Variants in SURF6 observed in about 807,000 individuals in gnomAD.
SURF6 encodes surfeit locus protein 6.
A neutral mutation model predicts 37.5 loss-of-function variants in SURF6; 28 were observed. The ratio of observed to expected loss-of-function variants is 0.75; its 90% CI spans 0.55 to 1.02. SURF6 has a LOEUF of 1.02. Among genes scored for constraint, SURF6 ranks in the 50% least tolerant of loss-of-function variants. The pLI, the probability that SURF6 is intolerant of heterozygous loss-of-function variation, is 0.00. For missense variants in SURF6, 560 were observed against 490.5 expected (o/e 1.14, Z -1.34); for synonymous variants, 248 against 210.9 (o/e 1.18, Z -1.52).
At chr9:133,332,807 G>A in intron 3 of SURF6, 47 bp from the exon 4 acceptor site, 1 of 1,578,940 alleles carries the variant, frequency 6.3e-7, no homozygotes, top group South Asian at 1.1e-5. Flanking sequence ...CGATCCCAGG[G>A]TCCCCCAGCC....
Position 133,329,303 on chromosome 9 carries a change from G to C in SURF6, c.*2566C>G, listed in dbSNP as rs190425658. The C allele has an allele frequency of 8.6e-3, 1,455 of 168,712 alleles. 19 individuals carry two copies. Among genetic ancestry groups the C allele is most frequent in the African/African-American group, 0.032 (1,356 of 41,890 alleles). 10.5% of individuals were successfully genotyped at this position (168,712 alleles called of 1,614,324 possible). ...CTGAAGCACAGCATCACAGGGAGAC[G>C]GTTAGGCCTCCAGATAACTGCGGGC... On this transcript the variant is annotated 3_prime_UTR_variant, in exon 5 of 5. Transcript: ENST00000372022.
At chr9:133,332,397 C>CA (rs1835766476) in intron 4 of SURF6, 49 bp from the exon 5 acceptor site, 2 of 1,536,376 alleles carry the variant, frequency 1.3e-6, no homozygotes, top group African/African-American at 1.4e-5. Context: ...CACTAGGCCC[C>CA]AGCCTTGGCC....
rs2129911468 is a variant in SURF6 at position 133,331,765 on chromosome 9, A to G, written c.*104T>C. ...ACCACTGTGTCCCCCTCACATGGAG[A>G]GGCCGAGGTCTGTGGAGATCCTGGG... On this transcript the variant is annotated 3_prime_UTR_variant, in exon 5 of 5. Coordinates refer to ENST00000372022, the MANE Select transcript of SURF6 (RefSeq NM_006753.6). 1 of 1,399,732 alleles carries G rather than the reference A, an allele frequency of 7.1e-7. No individual in the cohort carries two copies. Among genetic ancestry groups the G allele is most frequent in the Non-Finnish European group, 9.3e-7 (1 of 1,078,754 alleles). The allele number at this position is 1,399,732 out of a possible 1,614,324, so 86.7% of individuals were successfully genotyped here.
At chr9:133,335,188 G>A (rs1835841548) in intron 1 of SURF6, among the ~76,000 whole-genome samples, 1 of 152,114 alleles carries the variant, frequency 6.6e-6, no homozygotes, top group Non-Finnish European at 1.5e-5. Context: ...TTGATCTTCT[G>A]ATCTTGTGAT....
rs1377088075 is a variant in SURF6 at position 133,331,521 on chromosome 9, A to G, written c.*348T>C. On this transcript the variant is annotated 3_prime_UTR_variant, in exon 5 of 5. Transcript: ENST00000372022. ...TCCCGTGGCTCCTGCGAACACAGGC[A>G]GTGGGGAACAGGCAGTGACTGCCCA... 3.8e-6 allele frequency: 1 copy of G among 263,208 alleles called. No homozygotes were observed. The highest frequency in any genetic ancestry group is 7.1e-6 in the Non-Finnish European group (1 of 140,676). The allele number at this position is 263,208 out of a possible 1,614,324, so 16.3% of individuals were successfully genotyped here.
At position 133,332,631 on chromosome 9, in the gene SURF6, T is replaced by C. The variant is rs2129920184; in HGVS notation, c.523A>G (p.Thr175Ala). The change falls in exon 4 of 5, where the codon ACG becomes GCG. Residue 175 changes from threonine to alanine, a missense_variant. Transcript: ENST00000372022. ...GCCTCCACCACCTCCTGGGCCTCCG[T>C]GGCCTCCTCAGCCTTCCTGGCCTTC... ...KEKARKAEEA[T>A]EAQEVVEATP... 6.2e-7 allele frequency: 1 copy of C among 1,611,330 alleles called. No individual in the cohort carries two copies. Among genetic ancestry groups the C allele is most frequent in the East Asian group, 2.2e-5 (1 of 44,882 alleles).
chr9:133,333,067 T>C (rs1479029971), intron 3 of SURF6: 3 of 414,458 alleles, frequency 7.2e-6, no homozygotes, highest in Admixed American at 8.0e-5. Flanking sequence ...TCAAGACCAC[T>C]GCCTAGAACT....
Position 133,331,858 on chromosome 9 carries a change from G to A in SURF6, c.*11C>T, listed in dbSNP as rs1835736242. Reference sequence around the variant, plus strand: ...CTAGGACGGAAGACGGCGGCCCCAGGTGGGAAAGACTCAGACCAGGCCTGC... The same window carrying A: ...CTAGGACGGAAGACGGCGGCCCCAGATGGGAAAGACTCAGACCAGGCCTGC... On this transcript the variant is annotated 3_prime_UTR_variant, in exon 5 of 5. Coordinates refer to ENST00000372022, the MANE Select transcript of SURF6 (RefSeq NM_006753.6). 1.3e-6 allele frequency: 2 copies of A among 1,497,584 alleles called. No homozygotes were observed. The highest frequency in any genetic ancestry group is 1.4e-5 in the African/African-American group (1 of 70,664). The allele number at this position is 1,497,584 out of a possible 1,614,324, so 92.8% of individuals were successfully genotyped here.
At chr9:133,335,120 C>T (rs1373792497) in intron 1 of SURF6, among the ~76,000 whole-genome samples, 1 of 152,066 alleles carries the variant, frequency 6.6e-6, no homozygotes, top group African/African-American at 2.4e-5. Flanking sequence ...CCACTGTGCC[C>T]GGCTAATTTT....
At position 133,332,631 on chromosome 9, in the gene SURF6, T is replaced by A; in HGVS notation, c.523A>T (p.Thr175Ser). The A allele has an allele frequency of 1.2e-6, 2 of 1,611,330 alleles. No homozygotes were observed. The highest frequency in any genetic ancestry group is 1.7e-6 in the Non-Finnish European group (2 of 1,179,990). ...GCCTCCACCACCTCCTGGGCCTCCG[T>A]GGCCTCCTCAGCCTTCCTGGCCTTC... Reference protein sequence around the residue: ...KEKARKAEEATEAQEVVEATP... With the variant: ...KEKARKAEEASEAQEVVEATP... The change falls in exon 4 of 5, where the codon ACG (threonine) becomes TCG (serine). Residue 175 changes from threonine (T) to serine (S), a missense_variant. Coordinates refer to ENST00000372022, the MANE Select transcript of SURF6 (RefSeq NM_006753.6).
chr9:133,334,403 C>T lies in SURF6; in HGVS notation c.293G>A (p.Gly98Glu). ...CTGAAGCCTCTCACCTGCAGGGTTCCCTGCTGAGCTGGAAGCCCAAGCTGC... is the reference window on the plus strand; with the variant it reads ...CTGAAGCCTCTCACCTGCAGGGTTCTCTGCTGAGCTGGAAGCCCAAGCTGC... ...EEAAWASSSA[G>E]NPADGLATEP... Residue 98 changes from glycine to glutamate, a missense_variant, in exon 2 of 5, where the codon GGG (glycine) becomes GAG (glutamate). Gly to Glu is a moderately conservative substitution (Grantham distance 98). Transcript: ENST00000372022. 2 of 1,613,030 alleles carry T rather than the reference C, an allele frequency of 1.2e-6. No individual in the cohort carries two copies. Among genetic ancestry groups the T allele is most frequent in the Non-Finnish European group, 1.7e-6 (2 of 1,179,870 alleles).
At chr9:133,335,361 G>A (rs1405640369) in intron 1 of SURF6, among the ~76,000 whole-genome samples, 1 of 151,824 alleles carries the variant, frequency 6.6e-6, no homozygotes, top group Non-Finnish European at 1.5e-5. Context: ...AAAGACAGAC[G>A]GAAGACATAC....
In SURF6 at chr9:133,332,591, G is replaced by T. The variant is rs2129919764; in HGVS notation, c.563C>A (p.Ala188Asp). The T allele has an allele frequency of 5.0e-6, 8 of 1,609,686 alleles. No individual in the cohort carries two copies. In the African/African-American group the frequency reaches 5.3e-5, roughly 11 times the overall value. Residue 188 changes from alanine to aspartate, a missense_variant, in exon 4 of 5, where the codon GCC becomes GAC. Transcript: ENST00000372022. ...GGGCGGCTCCCGCGGCTCCGTGCAG[G>T]CCCCCTCTGGGGTTGCCTCCACCAC... ...QEVVEATPEG[A>D]CTEPREPPGL... is the part of the protein sequence containing the mutation.
intron 4 of SURF6, 60 bp from the exon 5 acceptor site, chr9:133,332,408 A>G: frequency 6.5e-7 from 1 of 1,533,460 alleles, no homozygotes; most frequent in Non-Finnish European, 8.7e-7. Context: ...AGCCTTGGCC[A>G]GTACCCTAAG....
At position 133,332,236 on chromosome 9, in the gene SURF6, A is replaced by G. The variant is rs2129916609; in HGVS notation, c.719T>C (p.Leu240Pro). The G allele has an allele frequency of 3.2e-5, 52 of 1,605,580 alleles. No individual in the cohort carries two copies. The highest frequency in any genetic ancestry group is 6.8e-6 in the Non-Finnish European group (8 of 1,179,838). ...PLTGRNYRQL[L>P]ERLQARQSRL... ...GCTCTGCCGTGCCTGCAGGCGCTCC[A>G]GCAGCTGCCGGTAGTTCCTCCCGGT... is the stretch of plus-strand genomic sequence containing the variant. The change falls in exon 5 of 5, where the codon CTG becomes CCG. Residue 240 changes from leucine (L) to proline (P), a missense_variant. Leu to Pro is a moderately conservative substitution (Grantham distance 98). Coordinates refer to ENST00000372022, the MANE Select transcript of SURF6 (RefSeq NM_006753.6).
rs2129911814 is a variant in SURF6, at chr9:133,331,836, G to A, written c.*33C>T. ...TCAGAGGGTGTCCTGGAGTCTCCTA[G>A]GACGGAAGACGGCGGCCCCAGGTGG... is the stretch of plus-strand genomic sequence containing the variant. On this transcript the variant is annotated 3_prime_UTR_variant, in exon 5 of 5. Coordinates refer to ENST00000372022, the MANE Select transcript of SURF6 (RefSeq NM_006753.6). 4 of 1,496,452 alleles carry A rather than the reference G, an allele frequency of 2.7e-6. No individual in the cohort carries two copies. Among genetic ancestry groups the A allele is most frequent in the Non-Finnish European group, 3.5e-6 (4 of 1,133,504 alleles). 92.7% of individuals were successfully genotyped at this position (1,496,452 alleles called of 1,614,324 possible). A position where few individuals can be genotyped will look rare whatever the true frequency, so the allele number is the denominator to read the frequency against.
At position 133,331,649 on chromosome 9, in the gene SURF6, A is replaced by C; in HGVS notation, c.*220T>G. 3.6e-6 allele frequency: 2 copies of C among 550,460 alleles called. No individual in the cohort carries two copies. The highest frequency in any genetic ancestry group is 5.6e-6 in the Non-Finnish European group (2 of 359,786). 34.1% of individuals were successfully genotyped at this position (550,460 alleles called of 1,614,324 possible). A position where few individuals can be genotyped will look rare whatever the true frequency, so the allele number is the denominator to read the frequency against. ...CTCCCTCACCCTTTCCCTGGGTCTG[A>C]AGGTCCCGGATCCTGCGTTCAAGGA... On this transcript the variant is annotated 3_prime_UTR_variant, in exon 5 of 5. Coordinates refer to ENST00000372022, the MANE Select transcript of SURF6 (RefSeq NM_006753.6).
At chr9:133,333,869 C>A in intron 2 of SURF6, 63 bp from the exon 3 acceptor site, 2 of 1,381,356 alleles carry the variant, frequency 1.4e-6, no homozygotes, top group Non-Finnish European at 2.0e-6. Context: ...CTCCCTAGGG[C>A]CACGAATCCC....
chr9:133,329,893 G>C lies in SURF6; in HGVS notation c.*1976C>G, dbSNP rs1267504728. The C allele has an allele frequency of 1.3e-5, 2 of 152,204 alleles. No individual in the cohort carries two copies. The highest frequency in any genetic ancestry group is 2.9e-5 in the Non-Finnish European group (2 of 68,038). The allele number at this position is 152,204 out of a possible 1,614,324, so 9.4% of individuals were successfully genotyped here. On this transcript the variant is annotated 3_prime_UTR_variant, in exon 5 of 5. Coordinates refer to ENST00000372022, the MANE Select transcript of SURF6 (RefSeq NM_006753.6). ...TGGTATCAAAGCTAAGTTCACGAAT[G>C]AAGTGTTCTCTCAATTGATTCTGTT...
Sources: gnomAD v4.1 joint callset for allele counts (sites outside exome capture counted in the v4.1 genomes callset) on GRCh38, gnomAD v4.1.1 for gene constraint, MANE v1.5 for transcripts, NCBI Gene and HGNC (gene_info 2026-07-23, HGNC 2026-07-21) for gene names.